Variants in ZNF385D observed in about 807,000 individuals in gnomAD.
ZNF385D encodes zinc finger protein 659.
Under a neutral mutation model 35.8 loss-of-function variants are expected in ZNF385D, and 15 were observed. The ratio of observed to expected loss-of-function variants is 0.42; its 90% CI spans 0.28 to 0.64. ZNF385D has a LOEUF of 0.64. Ranked by LOEUF, ZNF385D falls within the 30% of genes least tolerant of loss-of-function variation. The pLI, the probability that ZNF385D is intolerant of heterozygous loss-of-function variation, is 0.23. For missense variants in ZNF385D, 474 were observed against 494.6 expected (o/e 0.96, Z 0.39); for synonymous variants, 212 against 186.8 (o/e 1.13, Z -1.10).
intron 2 of ZNF385D, among the ~76,000 whole-genome samples, chr3:22,336,903 AT>A (rs1278122548): frequency 7.9e-6 from 1 of 127,052 alleles, no homozygotes; most frequent in Non-Finnish European, 1.7e-5. Context: ...GCAAACAGTG[AT>A]TTTTCAAAAA....
intron 2 of ZNF385D, among the ~76,000 whole-genome samples, chr3:22,250,379 G>A (rs1700002021): frequency 6.6e-6 from 1 of 151,802 alleles, no homozygotes; most frequent in African/African-American, 2.4e-5. Flanking sequence ...TTTTTAAAAG[G>A]TGTATTTCTG....
At chr3:21,552,243 G>T (rs918767949) in intron 3 of ZNF385D, among the ~76,000 whole-genome samples, 4 of 152,104 alleles carry the variant, frequency 2.6e-5, no homozygotes, top group African/African-American at 9.7e-5. Context: ...TGTATATTTT[G>T]ATTTTGGTTA....
At chr3:21,736,279 G>C (rs774375749) in intron 1 of ZNF385D, among the ~76,000 whole-genome samples, 1 of 152,062 alleles carries the variant, frequency 6.6e-6, no homozygotes, top group Non-Finnish European at 1.5e-5. Context: ...CCTTGATAAA[G>C]GTGACATCTT....
chr3:21,543,057 A>G (rs1195005446), intron 3 of ZNF385D: 5 of 152,538 alleles, frequency 3.3e-5, no homozygotes, highest in African/African-American at 9.7e-5. Flanking sequence ...TGATGCCTGT[A>G]ATTCCAGCAC....
intron 3 of ZNF385D, among the ~76,000 whole-genome samples, chr3:21,557,671 C>T (rs1374980909): frequency 6.6e-6 from 1 of 152,114 alleles, no homozygotes; most frequent in Non-Finnish European, 1.5e-5. Flanking sequence ...TGATGCTGGC[C>T]TCATAAAATA....
chr3:21,664,513 A>G (rs2066341918), intron 2 of ZNF385D, among the ~76,000 whole-genome samples: 1 of 152,164 alleles, frequency 6.6e-6, no homozygotes, highest in Non-Finnish European at 1.5e-5. Context: ...ATTAAAATAG[A>G]TAGAAGAAAC....
At chr3:21,943,547 G>A (rs675104) in intron 3 of ZNF385D, among the ~76,000 whole-genome samples, 121,761 of 151,148 alleles carry the variant, frequency 0.81, 49,080 homozygotes, top group East Asian at 0.98. Flanking sequence ...ATATGATACA[G>A]TATAGATTAA....
intron 3 of ZNF385D, among the ~76,000 whole-genome samples, chr3:21,808,648 T>C (rs2072764207): frequency 6.6e-6 from 1 of 152,186 alleles, no homozygotes; most frequent in East Asian, 1.9e-4. Flanking sequence ...CGGAAGGTAA[T>C]GACAGCAAAG....
At chr3:22,173,197 G>A (rs1156330297) in intron 2 of ZNF385D, among the ~76,000 whole-genome samples, 1 of 152,190 alleles carries the variant, frequency 6.6e-6, no homozygotes, top group Non-Finnish European at 1.5e-5. Flanking sequence ...AATTGTTACA[G>A]CCCAGTGGAG....
chr3:21,624,567 G>C (rs1427443257), intron 2 of ZNF385D, among the ~76,000 whole-genome samples: 1 of 152,148 alleles, frequency 6.6e-6, no homozygotes, highest in African/African-American at 2.4e-5. Context: ...GCAAGAATTG[G>C]ATTGGTGGAA....
At chr3:21,725,591 G>C (rs2068724825) in intron 1 of ZNF385D, among the ~76,000 whole-genome samples, 3 of 152,116 alleles carry the variant, frequency 2.0e-5, no homozygotes, top group African/African-American at 4.8e-5. Flanking sequence ...AGAATAAATG[G>C]ATAAATTCCT....
intron 2 of ZNF385D, among the ~76,000 whole-genome samples, chr3:21,618,598 C>T (rs375251156): frequency 1.3e-5 from 2 of 152,032 alleles, no homozygotes; most frequent in Admixed American, 6.5e-5. Flanking sequence ...AGTCATTACA[C>T]AGTAAATGAG....
intron 2 of ZNF385D, among the ~76,000 whole-genome samples, chr3:22,309,496 A>T (rs1450471901): frequency 6.6e-6 from 1 of 152,080 alleles, no homozygotes; most frequent in African/African-American, 2.4e-5. Context: ...AGAGAGTATT[A>T]ATATAAGGTC....
At chr3:21,699,929 T>C (rs1276874135) in intron 1 of ZNF385D, among the ~76,000 whole-genome samples, 1 of 151,378 alleles carries the variant, frequency 6.6e-6, no homozygotes. Flanking sequence ...CCTCCTAGGT[T>C]CGAGTGATTC....
intron 2 of ZNF385D, among the ~76,000 whole-genome samples, chr3:21,602,793 A>C (rs1273036504): frequency 6.6e-6 from 1 of 151,094 alleles, no homozygotes; most frequent in African/African-American, 2.4e-5. Flanking sequence ...TCGGCCTCCC[A>C]AAGTGCTGGG....
chr3:22,199,812 T>C (rs1277169322), intron 2 of ZNF385D, among the ~76,000 whole-genome samples: 1 of 152,066 alleles, frequency 6.6e-6, no homozygotes. Flanking sequence ...TATATGCATA[T>C]ATGTGGTGTA....
intron 1 of ZNF385D, among the ~76,000 whole-genome samples, chr3:21,726,498 A>G (rs1331845074): frequency 6.6e-6 from 1 of 152,226 alleles, no homozygotes; most frequent in Non-Finnish European, 1.5e-5. Flanking sequence ...TACAAAATCA[A>G]TGTGCAAAAA....
chr3:22,148,563 C>T (rs1705013031), intron 3 of ZNF385D, among the ~76,000 whole-genome samples: 1 of 152,130 alleles, frequency 6.6e-6, no homozygotes, highest in South Asian at 2.1e-4. Flanking sequence ...TATGAGTAAA[C>T]AAGTGAAACT....
intron 3 of ZNF385D, among the ~76,000 whole-genome samples, chr3:22,074,522 A>G (rs1279584931): frequency 6.6e-6 from 1 of 151,958 alleles, no homozygotes; most frequent in African/African-American, 2.4e-5. Context: ...ATAAGAGAAA[A>G]TTATATAAGC....
Sources: allele counts gnomAD v4.1 joint callset (sites outside exome capture counted in the v4.1 genomes callset), GRCh38; gene constraint gnomAD v4.1.1; transcripts MANE v1.5; gene names NCBI Gene and HGNC (gene_info 2026-07-23, HGNC 2026-07-21).